Variants in FLT1 observed in about 807,000 individuals in gnomAD.
FLT1 encodes the protein fms related receptor tyrosine kinase 1.
Under a neutral mutation model 156.3 loss-of-function variants are expected in FLT1, and 49 were observed. That is an observed-to-expected ratio of 0.31 (90% CI 0.25 to 0.40). The LOEUF (loss-of-function observed/expected upper bound fraction) is 0.40, where lower values mean the gene tolerates loss of function less well. FLT1 is among the 10% of genes least tolerant of loss of function. FLT1 has a pLI of 1.00. For synonymous variants in FLT1, 594 were observed against 583.8 expected (o/e 1.02, Z -0.25); for missense variants, 1,322 against 1,637.2 (o/e 0.81, Z 3.32).
chr13:28,449,662 G>T (rs1292420791), intron 3 of FLT1, among the ~76,000 whole-genome samples: 1 of 152,126 alleles, frequency 6.6e-6, no homozygotes, highest in African/African-American at 2.4e-5. Flanking sequence ...TTAGAGAAAA[G>T]TCATTGTGTT....
At chr13:28,345,380 G>A in intron 16 of FLT1, 65 bp downstream of exon 16, 1 of 958,458 alleles carries the variant, frequency 1.0e-6, no homozygotes, top group East Asian at 2.6e-5. Context: ...GCCTACTCTA[G>A]ACATCAGATC....
intron 10 of FLT1, among the ~76,000 whole-genome samples, chr13:28,415,771 T>C (rs1049034661): frequency 6.6e-6 from 1 of 152,164 alleles, no homozygotes; most frequent in Non-Finnish European, 1.5e-5. Flanking sequence ...AATTCACCAA[T>C]GAGAGTAGAT....
intron 14 of FLT1, among the ~76,000 whole-genome samples, chr13:28,361,288 A>C (rs1873105209): frequency 1.3e-5 from 2 of 152,206 alleles, no homozygotes; most frequent in South Asian, 2.1e-4. Context: ...CAAAAAACAA[A>C]AAAAAAAGAA....
At chr13:28,343,273 G>A (rs1872415787) in intron 16 of FLT1, among the ~76,000 whole-genome samples, 1 of 151,608 alleles carries the variant, frequency 6.6e-6, no homozygotes, top group African/African-American at 2.4e-5. Context: ...GTGAGCCACT[G>A]CGCCCGGCTG....
chr13:28,480,441 T>C (rs1271524437), intron 1 of FLT1, among the ~76,000 whole-genome samples: 5 of 152,086 alleles, frequency 3.3e-5, no homozygotes, highest in Non-Finnish European at 7.3e-5. Flanking sequence ...AAATAGAAAA[T>C]TACATTATAT....
At chr13:28,477,135 T>C (rs1475798589) in intron 1 of FLT1, among the ~76,000 whole-genome samples, 1 of 152,234 alleles carries the variant, frequency 6.6e-6, no homozygotes, top group African/African-American at 2.4e-5. Flanking sequence ...TCTATGTTTA[T>C]GAGGGAAACA....
At chr13:28,350,521 C>T (rs1297464292) in intron 15 of FLT1, among the ~76,000 whole-genome samples, 1 of 152,106 alleles carries the variant, frequency 6.6e-6, no homozygotes, top group Non-Finnish European at 1.5e-5. Flanking sequence ...TCTGTACACA[C>T]AGCCTGGGCT....
intron 11 of FLT1, among the ~76,000 whole-genome samples, chr13:28,397,476 T>A (rs1383927926): frequency 6.6e-6 from 1 of 152,192 alleles, no homozygotes; most frequent in Admixed American, 6.5e-5. Flanking sequence ...ATGCCAGTTA[T>A]AACAGGAGCC....
At chr13:28,482,512 A>G (rs1034546965) in intron 1 of FLT1, among the ~76,000 whole-genome samples, 1 of 151,962 alleles carries the variant, frequency 6.6e-6, no homozygotes, top group Non-Finnish European at 1.5e-5. Context: ...AAAAAGAAAA[A>G]AAAAGAAAAG....
rs746084085 is a variant in FLT1 at position 28,319,158 on chromosome 13, T to C, written c.3286+265A>G. On this transcript the variant is annotated intron_variant, in intron 24 of 29. Transcript: ENST00000282397. ...ACAGAAAAAGTACTTTGCTTCAGAC[T>C]TTATACCCTTGTTCATGATCGTATA... Among the ~76,000 whole-genome samples, 15 of 152,316 alleles carry C rather than the reference T, an allele frequency of 9.8e-5. No homozygotes were observed. Among genetic ancestry groups the C allele is most frequent in the Admixed American group, 2.0e-4 (3 of 15,288 alleles).
intron 1 of FLT1, 112 bp downstream of exon 1, chr13:28,494,668 C>A: frequency 1.2e-6 from 1 of 809,354 alleles, no homozygotes; most frequent in Non-Finnish European, 2.0e-6. Context: ...GCCAGCTTCT[C>A]CGGGCTACAG....
intron 1 of FLT1, among the ~76,000 whole-genome samples, chr13:28,491,081 A>G (rs1388750437): frequency 3.9e-5 from 6 of 152,202 alleles, no homozygotes; most frequent in Non-Finnish European, 7.3e-5. Context: ...AATATCAGCC[A>G]TAACTCTGCT....
rs192390473 is a variant in FLT1, at chr13:28,475,431, T to G, written c.65-7814A>C. Among the ~76,000 whole-genome samples the G allele has an allele frequency of 5.3e-4, 80 of 152,360 alleles. 1 individual carries two copies. The Middle Eastern group carries it at 0.014, about 26-fold the overall frequency. ...GCCTCTTTATCTAAATAGAGATCCCTAAGTATCATGTTTCTAAAATTTGAA... is the reference window on the plus strand; with the variant it reads ...GCCTCTTTATCTAAATAGAGATCCCGAAGTATCATGTTTCTAAAATTTGAA... On this transcript the variant is annotated intron_variant, in intron 1 of 29. Transcript: ENST00000282397.
In FLT1 at chr13:28,317,551, A is replaced by G. The variant is rs1303427695; in HGVS notation, c.3333T>C (p.Ser1111=). 2 of 1,614,106 alleles carry G rather than the reference A, an allele frequency of 1.2e-6. No homozygotes were observed. The highest frequency in any genetic ancestry group is 1.7e-6 in the Non-Finnish European group (2 of 1,179,950). Reference sequence around the variant, plus strand: ...TCATCCTCATGCCTTCCCTCAGGCGACTGCAAAAGTCCTCATCCATTTGTA... The same window carrying G: ...TCATCCTCATGCCTTCCCTCAGGCGGCTGCAAAAGTCCTCATCCATTTGTA... The part of the protein sequence containing the change: ...PGVQMDEDFC[S]RLREGMRMRA... Residue 1111 remains serine (S), a synonymous_variant, in exon 25 of 30, where the codon AGT becomes AGC. Transcript: ENST00000282397.
intron 1 of FLT1, among the ~76,000 whole-genome samples, chr13:28,484,772 T>G (rs1312281485): frequency 6.6e-6 from 1 of 152,112 alleles, no homozygotes; most frequent in African/African-American, 2.4e-5. Context: ...AATGTCGGGT[T>G]TGCAAGTCTG....
Position 28,319,504 on chromosome 13 carries a change from C to T in FLT1, c.3205G>A (p.Glu1069Lys), listed in dbSNP as rs751031012. 3 of 1,613,802 alleles carry T rather than the reference C, an allele frequency of 1.9e-6. No individual in the cohort carries two copies. Among genetic ancestry groups the T allele is most frequent in the South Asian group, 1.1e-5 (1 of 91,006 alleles). The change falls in exon 24 of 30, where the codon GAA becomes AAA. Residue 1069 changes from glutamate to lysine, a missense_variant. Glu to Lys is a moderately conservative substitution (Grantham distance 56). Around this residue, in one of 3 missense-constraint regions of FLT1, gnomAD observed 329 missense variants for 366.2 expected, o/e 0.90. Coordinates refer to ENST00000282397, the MANE Select transcript of FLT1 (RefSeq NM_002019.4). Reference protein sequence around the residue: ...TRLPLKWMAPESIFDKIYSTK... With the variant: ...TRLPLKWMAPKSIFDKIYSTK... ...CTGTAGATTTTGTCAAAGATAGATTCAGGAGCCATCCATTTCAGAGGAAGT... is the reference window on the plus strand; with the variant it reads ...CTGTAGATTTTGTCAAAGATAGATTTAGGAGCCATCCATTTCAGAGGAAGT...
In FLT1 at chr13:28,301,299, A is replaced by G; in HGVS notation, c.*1868T>C. 8.6e-6 allele frequency: 2 copies of G among 233,078 alleles called. No homozygotes were observed. The highest frequency in any genetic ancestry group is 1.1e-4 in the Admixed American group (2 of 17,792). 14.4% of individuals were successfully genotyped at this position (233,078 alleles called of 1,614,324 possible). A position where few individuals can be genotyped will look rare whatever the true frequency, so the allele number is the denominator to read the frequency against. On this transcript the variant is annotated 3_prime_UTR_variant, in exon 30 of 30. Transcript: ENST00000282397. ...TTTGCGTATGTAAAGAAGAGGAAGA[A>G]CAAAGATTTGTCCTCTCTTCTGGCT...
Position 28,322,613 on chromosome 13 carries a change from T to A in FLT1, c.2953+177A>T. The A allele has an allele frequency of 1.4e-6, 1 of 740,474 alleles. No homozygotes were observed. Among genetic ancestry groups the A allele is most frequent in the Non-Finnish European group, 2.4e-6 (1 of 425,186 alleles). The allele number at this position is 740,474 out of a possible 1,614,324, so 45.9% of individuals were successfully genotyped here. On this transcript the variant is annotated intron_variant, in intron 21 of 29. Coordinates refer to ENST00000282397, the MANE Select transcript of FLT1 (RefSeq NM_002019.4). The surrounding 1 kb of genome is among the most constrained non-coding windows in gnomAD (Gnocchi z 4.3). ...GAGGGGAGAAAACGGTACAGTTCCC[T>A]GTCAAAATTAGTAACTCTGTAAATT...
At chr13:28,485,044 C>T (rs1881071917) in intron 1 of FLT1, among the ~76,000 whole-genome samples, 1 of 151,966 alleles carries the variant, frequency 6.6e-6, no homozygotes, top group Admixed American at 6.6e-5. Flanking sequence ...AACTAACCTG[C>T]ATGTTGTGCA....
Sources: allele counts gnomAD v4.1 joint callset (sites outside exome capture counted in the v4.1 genomes callset), GRCh38; gene constraint gnomAD v4.1.1; regional missense constraint gnomAD v4.1.1; non-coding constraint Gnocchi (gnomAD v3.1); transcripts MANE v1.5; gene names NCBI Gene and HGNC (gene_info 2026-07-23, HGNC 2026-07-21).